ARHGAP24: variants seen among roughly 807,000 people sequenced by gnomAD.
ARHGAP24 encodes rho GTPase-activating protein 24.
In ARHGAP24, 50 loss-of-function variants were observed where a neutral mutation model predicts 76.4. The ratio of observed to expected loss-of-function variants is 0.65; its 90% CI spans 0.52 to 0.83. The LOEUF (loss-of-function observed/expected upper bound fraction) is 0.83. Among genes scored for constraint, ARHGAP24 ranks in the 40% least tolerant of loss-of-function variants. The probability of loss-of-function intolerance (pLI) is 0.00; values close to 1 mark genes in which losing one functional copy is unlikely to be tolerated. For synonymous variants in ARHGAP24, 345 were observed against 323.3 expected (o/e 1.07, Z -0.72); for missense variants, 930 against 914.2 (o/e 1.02, Z -0.22).
intron 2 of ARHGAP24, among the ~76,000 whole-genome samples, chr4:85,574,017 A>G (rs1266054769): frequency 6.6e-6 from 1 of 152,238 alleles, no homozygotes; most frequent in Non-Finnish European, 1.5e-5. Context: ...AAATATCATG[A>G]GTAAAATTTT....
chr4:85,849,432 C>A (rs918626182), intron 3 of ARHGAP24, among the ~76,000 whole-genome samples: 6 of 152,204 alleles, frequency 3.9e-5, no homozygotes, highest in Non-Finnish European at 8.8e-5. Context: ...AATCGAATAG[C>A]CTTTATTTCT....
At chr4:85,693,158 GCTGCTCCT>G (rs1364724605) in intron 2 of ARHGAP24, among the ~76,000 whole-genome samples, 2 of 152,142 alleles carry the variant, frequency 1.3e-5, no homozygotes, top group Non-Finnish European at 2.9e-5. Flanking sequence ...TGGCAGCTGG[GCTGCTCCT>G]CTGTCTTTCC....
chr4:85,722,441 C>G (rs941111509), intron 3 of ARHGAP24: 2 of 187,598 alleles, frequency 1.1e-5, no homozygotes, highest in African/African-American at 4.8e-5. Context: ...CTACTTAATA[C>G]TTGTAATACT....
At position 85,558,886 on chromosome 4, in the gene ARHGAP24, T is replaced by G. The variant is rs1035481152; in HGVS notation, c.-20-11636T>G. Among the ~76,000 whole-genome samples, 10 of 152,348 alleles carry G rather than the reference T, an allele frequency of 6.6e-5. No individual in the cohort carries two copies. In the East Asian group the frequency reaches 1.9e-3, roughly 29 times the overall value. ...TAAAATATTTTCTTTGAAGTGTAGT[T>G]GAATAAATAGCTGGCCCCACTGAGG... is the stretch of plus-strand genomic sequence containing the variant. On this transcript the variant is annotated intron_variant, in intron 1 of 9. Transcript: ENST00000395184.
At chr4:85,740,220 TG>T (rs1284846354) in intron 3 of ARHGAP24, among the ~76,000 whole-genome samples, 4 of 100,668 alleles carry the variant, frequency 4.0e-5, no homozygotes, top group Non-Finnish European at 7.7e-5. Flanking sequence ...TTGTTGTTGT[TG>T]GGGTTTTTTT....
At chr4:85,603,090 A>G (rs1258646531) in intron 2 of ARHGAP24, among the ~76,000 whole-genome samples, 2 of 152,256 alleles carry the variant, frequency 1.3e-5, no homozygotes. Context: ...CTGTGAGGAA[A>G]TAAACTGCTT....
At position 85,606,171 on chromosome 4, in the gene ARHGAP24, T is replaced by C. The variant is rs16995973; in HGVS notation, c.180+35450T>C. ...CACCTTATGAAATATCTTCAGTCTT[T>C]GGGGCATCAGACCTCAAAGGGGCAT... On this transcript the variant is annotated intron_variant, in intron 2 of 9. Coordinates refer to ENST00000395184, the MANE Select transcript of ARHGAP24 (RefSeq NM_001025616.3). Among the ~76,000 whole-genome samples the C allele has an allele frequency of 1.7e-3, 254 of 152,308 alleles. 1 individual carries two copies. The highest frequency in any genetic ancestry group is 6.0e-3 in the African/African-American group (248 of 41,566).
intron 1 of ARHGAP24, among the ~76,000 whole-genome samples, chr4:85,517,437 G>A (rs1309945309): frequency 6.6e-6 from 1 of 151,984 alleles, no homozygotes; most frequent in Non-Finnish European, 1.5e-5. Context: ...TGATATAACA[G>A]TTGTCACAAA....
At chr4:85,863,644 A>G (rs948474784) in intron 3 of ARHGAP24, among the ~76,000 whole-genome samples, 6 of 152,056 alleles carry the variant, frequency 3.9e-5, no homozygotes, top group African/African-American at 1.2e-4. Context: ...TTATTTCCCA[A>G]TACCTAGAAA....
intron 5 of ARHGAP24, among the ~76,000 whole-genome samples, chr4:85,951,342 CT>C (rs548492045): frequency 9.9e-4 from 151 of 151,954 alleles, no homozygotes; most frequent in Non-Finnish European, 1.3e-3. Context: ...TGTTCTGCCC[CT>C]ATGTGTTTTT....
intron 2 of ARHGAP24, among the ~76,000 whole-genome samples, chr4:85,581,682 C>A (rs1727619035): frequency 6.6e-6 from 1 of 152,078 alleles, no homozygotes; most frequent in Non-Finnish European, 1.5e-5. Flanking sequence ...GATTCTAGTA[C>A]AATTTTTGAA....
At chr4:85,510,675 T>G (rs1724243824) in intron 1 of ARHGAP24, among the ~76,000 whole-genome samples, 1 of 148,390 alleles carries the variant, frequency 6.7e-6, no homozygotes, top group African/African-American at 2.5e-5. Flanking sequence ...CCAGGCTCAT[T>G]TTTTTTCCAC....
intron 1 of ARHGAP24, among the ~76,000 whole-genome samples, chr4:85,490,872 AT>A (rs1329012181): frequency 6.6e-6 from 1 of 152,166 alleles, no homozygotes; most frequent in Non-Finnish European, 1.5e-5. Context: ...ATTAATAAAA[AT>A]TTTCCCCACA....
intron 2 of ARHGAP24, among the ~76,000 whole-genome samples, chr4:85,694,919 G>C (rs1479477882): frequency 6.6e-6 from 1 of 152,090 alleles, no homozygotes; most frequent in African/African-American, 2.4e-5. Context: ...TGCCATACCT[G>C]AGTTATCAAT....
At chr4:85,832,335 T>C (rs1317458577) in intron 3 of ARHGAP24, among the ~76,000 whole-genome samples, 1 of 151,670 alleles carries the variant, frequency 6.6e-6, no homozygotes, top group Non-Finnish European at 1.5e-5. Flanking sequence ...ATAGAGGAGG[T>C]GGTTGAGGTA....
intron 2 of ARHGAP24, among the ~76,000 whole-genome samples, chr4:85,636,171 A>G (rs1167820020): frequency 6.6e-6 from 1 of 150,910 alleles, no homozygotes; most frequent in African/African-American, 2.4e-5. Flanking sequence ...ACTCCATCGT[A>G]TTGCACTTTC....
rs145750319 is a variant in ARHGAP24, at chr4:85,879,005, C to T, written c.269-44643C>T. ...CAATTCAACCAAGTACACTACAAAA[C>T]ATTTCAATGACTGTGGAAATGTTAC... On this transcript the variant is annotated intron_variant, in intron 3 of 9. Transcript: ENST00000395184. Among the ~76,000 whole-genome samples, 14 of 152,284 alleles carry T rather than the reference C, an allele frequency of 9.2e-5. No individual in the cohort carries two copies. In the East Asian group the frequency reaches 2.7e-3, roughly 29 times the overall value.
At chr4:85,825,097 C>T (rs559176239) in intron 3 of ARHGAP24, among the ~76,000 whole-genome samples, 4 of 150,676 alleles carry the variant, frequency 2.7e-5, no homozygotes, top group African/African-American at 9.8e-5. Context: ...CTCAAAAAAA[C>T]GAAACGAAAC....
At chr4:85,590,183 T>A (rs1467719531) in intron 2 of ARHGAP24, among the ~76,000 whole-genome samples, 1 of 106,894 alleles carries the variant, frequency 9.4e-6, no homozygotes, top group Non-Finnish European at 1.9e-5. Context: ...CCTGCCTGCC[T>A]GCCTGCCTGC....
Sources: gnomAD v4.1 joint callset for allele counts (sites outside exome capture counted in the v4.1 genomes callset) on GRCh38, gnomAD v4.1.1 for gene constraint, MANE v1.5 for transcripts, NCBI Gene and HGNC (gene_info 2026-07-23, HGNC 2026-07-21) for gene names.